PVT1: variants seen among roughly 807,000 people sequenced by gnomAD.
PVT1 encodes Pvt1 oncogene.
At chr8:127,832,713 C>T (rs1008438719) in intron 2 of PVT1, among the ~76,000 whole-genome samples, 2 of 152,104 alleles carry the variant, frequency 1.3e-5, no homozygotes, top group African/African-American at 4.8e-5. Flanking sequence ...AAAAAATTAG[C>T]CGGGCGTGGT....
intron 2 of PVT1, among the ~76,000 whole-genome samples, chr8:127,817,487 GTGTGTATATACATATATATTTAAATAGA>G (rs1814675967): frequency 7.7e-6 from 1 of 129,684 alleles, no homozygotes; most frequent in Non-Finnish European, 1.6e-5. Flanking sequence ...GTGTGTGTGT[GTGTGTATATACATATATATTTAAATAGA>G]TATATCTATT....
chr8:128,009,509 A>T (rs1041360800), intron 4 of PVT1: 1 of 152,518 alleles, frequency 6.6e-6, no homozygotes, highest in African/African-American at 2.4e-5. Flanking sequence ...AAGACATTAA[A>T]GACATATAGG....
chr8:127,877,006 A>G (rs1052046116), intron 2 of PVT1, among the ~76,000 whole-genome samples: 2 of 152,188 alleles, frequency 1.3e-5, no homozygotes, highest in Non-Finnish European at 2.9e-5. Context: ...CAGCTAATCC[A>G]GGTTTTAAAG....
chr8:127,846,770 C>T (rs2129725475), intron 2 of PVT1, among the ~76,000 whole-genome samples: 1 of 151,826 alleles, frequency 6.6e-6, no homozygotes, highest in East Asian at 1.9e-4. Flanking sequence ...CTTCCGGATT[C>T]AAGCGATTCT....
chr8:128,031,722 T>C (rs540917324), intron 4 of PVT1, among the ~76,000 whole-genome samples: 2 of 137,628 alleles, frequency 1.5e-5, no homozygotes, highest in South Asian at 4.2e-4. Context: ...ATTTTTATAT[T>C]AATTCATTTA....
intron 2 of PVT1, among the ~76,000 whole-genome samples, chr8:127,835,511 C>A (rs1485672592): frequency 6.6e-6 from 1 of 152,024 alleles, no homozygotes; most frequent in Non-Finnish European, 1.5e-5. Flanking sequence ...GGCTTAAAAC[C>A]TAGAAGATGG....
At chr8:127,800,748 G>C (rs923183413) in intron 2 of PVT1, among the ~76,000 whole-genome samples, 12 of 152,162 alleles carry the variant, frequency 7.9e-5, no homozygotes, top group African/African-American at 2.9e-4. Flanking sequence ...TGCTGTAGAT[G>C]TTGGGGATGC....
intron 3 of PVT1, among the ~76,000 whole-genome samples, chr8:127,923,821 G>A (rs967553220): frequency 3.9e-5 from 6 of 152,190 alleles, no homozygotes; most frequent in Admixed American, 3.9e-4. Flanking sequence ...AGAGCCCTGG[G>A]AAGTGTCAGA....
chr8:127,920,889 G>A (rs1053728665), intron 3 of PVT1, among the ~76,000 whole-genome samples: 2 of 152,228 alleles, frequency 1.3e-5, no homozygotes, highest in African/African-American at 4.8e-5. Context: ...ACCAGGAATT[G>A]TAGATGTTGA....
At chr8:128,065,826 T>C (rs1361820998) in intron 4 of PVT1, among the ~76,000 whole-genome samples, 1 of 152,204 alleles carries the variant, frequency 6.6e-6, no homozygotes, top group African/African-American at 2.4e-5. Context: ...GCACACTAAA[T>C]TAAGCTGACG....
At chr8:127,932,899 A>G (rs1816227296) in intron 3 of PVT1, among the ~76,000 whole-genome samples, 1 of 152,044 alleles carries the variant, frequency 6.6e-6, no homozygotes, top group Admixed American at 6.5e-5. Flanking sequence ...TTTCTGTTCT[A>G]TTTATCATTC....
chr8:128,070,008 C>T (rs1420270473), intron 4 of PVT1, among the ~76,000 whole-genome samples: 1 of 152,142 alleles, frequency 6.6e-6, no homozygotes, highest in Non-Finnish European at 1.5e-5. Flanking sequence ...TAGGCAGCCA[C>T]TCCAGTGTGC....
chr8:127,812,697 A>C (rs1170070996), intron 2 of PVT1, among the ~76,000 whole-genome samples: 1 of 149,048 alleles, frequency 6.7e-6, no homozygotes, highest in Non-Finnish European at 1.5e-5. Context: ...AAATGGAAGG[A>C]AGGGAGGGAA....
intron 3 of PVT1, among the ~76,000 whole-genome samples, chr8:127,922,095 G>C (rs950227667): frequency 1.5e-4 from 23 of 151,958 alleles, no homozygotes; most frequent in African/African-American, 5.5e-4. Flanking sequence ...TCTTGACCTC[G>C]TGATCTGCCC....
chr8:128,037,324 C>G (rs1394277469), intron 4 of PVT1, among the ~76,000 whole-genome samples: 1 of 152,248 alleles, frequency 6.6e-6, no homozygotes, highest in Non-Finnish European at 1.5e-5. Flanking sequence ...TAATCATTAT[C>G]ACTGCTTCCA....
chr8:127,831,763 A>T (rs1402600558), intron 2 of PVT1, among the ~76,000 whole-genome samples: 1 of 152,202 alleles, frequency 6.6e-6, no homozygotes, highest in Non-Finnish European at 1.5e-5. Flanking sequence ...AGAATGAGTC[A>T]CACAGAAGTG....
intron 3 of PVT1, among the ~76,000 whole-genome samples, chr8:127,963,173 C>A (rs1816666063): frequency 6.6e-6 from 1 of 152,222 alleles, no homozygotes; most frequent in African/African-American, 2.4e-5. Flanking sequence ...CCACCCCTCG[C>A]ACGGCAGCCT....
intron 2 of PVT1, among the ~76,000 whole-genome samples, chr8:127,814,003 G>A (rs990785000): frequency 1.3e-5 from 2 of 152,110 alleles, no homozygotes; most frequent in Non-Finnish European, 2.9e-5. Context: ...GGCTGGTCTC[G>A]AACTCCTGAT....
At chr8:127,801,836 G>A (rs1764057824) in intron 2 of PVT1, among the ~76,000 whole-genome samples, 1 of 152,168 alleles carries the variant, frequency 6.6e-6, no homozygotes, top group African/African-American at 2.4e-5. Context: ...TATGTACTGT[G>A]TGTTAAACAC....
Sources: gnomAD v4.1 joint callset for allele counts (sites outside exome capture counted in the v4.1 genomes callset) on GRCh38, gnomAD v4.1.1 for gene constraint, MANE v1.5 for transcripts, NCBI Gene and HGNC (gene_info 2026-07-23, HGNC 2026-07-21) for gene names.